SPTB: variants seen among roughly 807,000 people sequenced by gnomAD.
SPTB encodes the protein spectrin beta chain, erythrocytic.
SPTB carries 45 observed loss-of-function variants against 256.2 expected under a neutral mutation model. The ratio of observed to expected loss-of-function variants is 0.18; its 90% CI spans 0.14 to 0.23. The LOEUF is 0.23. Ranked by LOEUF, SPTB falls within the 10% of genes least tolerant of loss-of-function variation. The probability of loss-of-function intolerance (pLI) is 1.00; values close to 1 mark genes in which losing one functional copy is unlikely to be tolerated. For synonymous variants in SPTB, 1,231 were observed against 1,243.1 expected (o/e 0.99, Z 0.21); for missense variants, 2,715 against 3,040.4 (o/e 0.89, Z 2.52).
In SPTB at chr14:64,873,607, G is replaced by GT. The variant is rs1301256309; in HGVS notation, c.-52+6184dup. 9.9e-5 allele frequency among the ~76,000 whole-genome samples: 15 copies of GT among 152,114 alleles called. No individual in the cohort carries two copies. Among genetic ancestry groups the GT allele is most frequent in the Admixed American group, 6.5e-4 (10 of 15,276 alleles). On this transcript the variant is annotated intron_variant, in intron 1 of 35. Coordinates refer to ENST00000644917, the MANE Select transcript of SPTB (RefSeq NM_001355436.2). This position sits in a 1 kb window ranked among gnomAD's most constrained non-coding sequence, Gnocchi z 4.3. ...CCATTCTTGAGGTTCTGTGGCTATG[G>GT]TAAAGGGTAATACCATTAACAAGTG...
intron 1 of SPTB, among the ~76,000 whole-genome samples, chr14:64,865,559 C>A (rs1165568510): frequency 6.6e-6 from 1 of 152,110 alleles, no homozygotes; most frequent in Admixed American, 6.6e-5. Flanking sequence ...GTGAGAGCAG[C>A]TAAACCAAGG....
chr14:64,770,981 T>C lies in SPTB; in HGVS notation c.5702A>G (p.Asp1901Gly). Residue 1901 changes from aspartate to glycine, a missense_variant, in exon 27 of 36, where the codon GAC becomes GGC. This residue lies in a region of SPTB where 2,239 missense variants were observed against 2,384.4 expected (regional missense o/e 0.94). Coordinates refer to ENST00000644917, the MANE Select transcript of SPTB (RefSeq NM_001355436.2). ...GAAGAAGCGGAATTTATCCGCCGTG[T>C]CCACTAGCTGGGTCCGGCGCCCGGC... The part of the protein sequence containing the change: ...ACAGRRTQLV[D>G]TADKFRFFSM... 1.2e-6 allele frequency: 2 copies of C among 1,614,116 alleles called. No individual in the cohort carries two copies. Among genetic ancestry groups the C allele is most frequent in the East Asian group, 2.2e-5 (1 of 44,880 alleles).
rs758453733 is a variant in SPTB at position 64,776,143 on chromosome 14, A to G, written c.4564-740T>C. On this transcript the variant is annotated intron_variant, in intron 22 of 35. Transcript: ENST00000644917. ...TGGTGTGTGGGCTCCTGAGCTCCAT[A>G]TACCTCACTACCTGTTTCTTCCCTC... Among the ~76,000 whole-genome samples the G allele has an allele frequency of 3.3e-5, 5 of 152,104 alleles. No individual in the cohort carries two copies. In the South Asian group the frequency reaches 8.3e-4, roughly 25 times the overall value.
chr14:64,809,262 C>CAAAAAAAA (rs57245539), intron 2 of SPTB, among the ~76,000 whole-genome samples: 1 of 91,062 alleles, frequency 1.1e-5, no homozygotes, highest in Admixed American at 1.2e-4. Context: ...AACTTTGTAT[C>CAAAAAAAA]AAAAAAAAAA....
chr14:64,750,896 AAT>A (rs1324801303), intron 33 of SPTB, among the ~76,000 whole-genome samples: 3 of 146,234 alleles, frequency 2.1e-5, no homozygotes, highest in East Asian at 3.9e-4. Context: ...ATTTATATGA[AAT>A]ATATAAATAT....
Position 64,787,044 on chromosome 14 carries a change from G to A in SPTB, c.2921C>T (p.Thr974Ile). ...GTCTTTTGTGGACTCCACTACCTTT[G>A]TCTTGTCCGTGATCCACTTGCTGGT... ...EETSKWITDKTKVVESTKDLG... is the reference protein window; with the variant it reads ...EETSKWITDKIKVVESTKDLG... The change falls in exon 16 of 36, where the codon ACA becomes ATA. Residue 974 changes from threonine to isoleucine, a missense_variant. By Grantham distance (89) the Thr-to-Ile change is moderately conservative (BLOSUM62 -1). Coordinates refer to ENST00000644917, the MANE Select transcript of SPTB (RefSeq NM_001355436.2). 6.2e-6 allele frequency: 10 copies of A among 1,613,958 alleles called. No individual in the cohort carries two copies. Among genetic ancestry groups the A allele is most frequent in the Non-Finnish European group, 8.5e-6 (10 of 1,180,028 alleles).
Position 64,866,295 on chromosome 14 carries a change from G to A in SPTB, c.-52+13497C>T, listed in dbSNP as rs1193624297. ...CTCTCCATCGAGTTTGCTGACTGTT[G>A]TCTGCTTATCGCTGGCCTCAGGACA... On this transcript the variant is annotated intron_variant, in intron 1 of 35. Transcript: ENST00000644917. This position sits in a 1 kb window ranked among gnomAD's most constrained non-coding sequence, Gnocchi z 4.6. 7.2e-5 allele frequency among the ~76,000 whole-genome samples: 11 copies of A among 152,122 alleles called. No homozygotes were observed. Among genetic ancestry groups the A allele is most frequent in the African/African-American group, 9.7e-5 (4 of 41,420 alleles).
intron 1 of SPTB, among the ~76,000 whole-genome samples, chr14:64,859,248 C>T (rs953622180): frequency 4.6e-5 from 7 of 151,822 alleles, no homozygotes; most frequent in Admixed American, 3.3e-4. Flanking sequence ...AGCGAGACTC[C>T]GTCTCAGAAG....
chr14:64,750,955 ATT>A (rs34784286), intron 33 of SPTB, among the ~76,000 whole-genome samples: 2 of 134,272 alleles, frequency 1.5e-5, no homozygotes, highest in African/African-American at 5.8e-5. Flanking sequence ...TATAATACAT[ATT>A]TTATACATCA....
At chr14:64,808,202 CGGGGTT>C (rs2083021130) in intron 2 of SPTB, among the ~76,000 whole-genome samples, 1 of 152,132 alleles carries the variant, frequency 6.6e-6, no homozygotes, top group Non-Finnish European at 1.5e-5. Flanking sequence ...TTAGTACAGA[CGGGGTT>C]TCACCATGTT....
At chr14:64,794,315 TG>T in intron 13 of SPTB, 151 bp downstream of exon 13, 2 of 1,063,228 alleles carry the variant, frequency 1.9e-6, no homozygotes, top group Non-Finnish European at 2.8e-6. Context: ...AGAATTTGGC[TG>T]GTCCCTCAAG....
chr14:64,761,889 C>A (rs1181436010), intron 32 of SPTB, among the ~76,000 whole-genome samples: 1 of 152,154 alleles, frequency 6.6e-6, no homozygotes, highest in Non-Finnish European at 1.5e-5. Flanking sequence ...CCACTTCAAA[C>A]CCATTTCTGA....
Position 64,758,684 on chromosome 14 carries a change from A to G in SPTB, c.6346-4891T>C, listed in dbSNP as rs2082050760. Among the ~76,000 whole-genome samples, 1 of 152,250 alleles carries G rather than the reference A, an allele frequency of 6.6e-6. No individual in the cohort carries two copies. Among genetic ancestry groups the G allele is most frequent in the Non-Finnish European group, 1.5e-5 (1 of 68,042 alleles). On this transcript the variant is annotated intron_variant, in intron 32 of 35. Coordinates refer to ENST00000644917, the MANE Select transcript of SPTB (RefSeq NM_001355436.2). The surrounding 1 kb of genome is among the most constrained non-coding windows in gnomAD (Gnocchi z 4.6). ...TCTGAAGCAGAACCATTTTTTAAATAGTTACTCTTGGGGTTCCCATCTGCC... is the reference window on the plus strand; with the variant it reads ...TCTGAAGCAGAACCATTTTTTAAATGGTTACTCTTGGGGTTCCCATCTGCC...
chr14:64,786,889 G>C lies in SPTB; in HGVS notation c.3076C>G (p.Pro1026Ala), dbSNP rs778936613. The C allele has an allele frequency of 2.5e-6, 4 of 1,612,832 alleles. No individual in the cohort carries two copies. The Admixed American group carries it at 5.0e-5, about 20-fold the overall frequency. ...TGACCAATATCCTCCTTCTGCTCAG[G>C]GTGCGAGTCCATCAGCTGCTGGGAC... ...RESQQLMDSH[P>A]EQKEDIGQRQ... The change falls in exon 16 of 36, where the codon CCT becomes GCT. Residue 1026 changes from proline to alanine, a missense_variant. By Grantham distance (27) the Pro-to-Ala change is conservative. Transcript: ENST00000644917. This position sits in a 1 kb window ranked among gnomAD's most constrained non-coding sequence, Gnocchi z 5.6.
chr14:64,841,757 T>TATATA lies in SPTB; in HGVS notation c.-51-18613_-51-18612insTATAT, dbSNP rs200217417. ...TGACATCCCATATATATATATATAT[T>TATATA]TTTTAAGGGTCTTTCTTTAACACAG... On this transcript the variant is annotated intron_variant, in intron 1 of 35. Coordinates refer to ENST00000644917, the MANE Select transcript of SPTB (RefSeq NM_001355436.2). This position sits in a 1 kb window ranked among gnomAD's most constrained non-coding sequence, Gnocchi z 4.6. 0.063 allele frequency among the ~76,000 whole-genome samples: 9,526 copies of TATATA among 151,196 alleles called. 1,055 individuals are homozygous for TATATA. The highest frequency in any genetic ancestry group is 0.22 in the African/African-American group (8,956 of 40,802).
rs773544566 is a variant in SPTB at position 64,749,992 on chromosome 14, G to A, written c.6765C>T (p.Val2255=). 23 of 1,614,106 alleles carry A rather than the reference G, an allele frequency of 1.4e-5. No individual in the cohort carries two copies. Among genetic ancestry groups the A allele is most frequent in the Non-Finnish European group, 1.9e-5 (23 of 1,180,048 alleles). The change falls in exon 34 of 36, where the codon GTC becomes GTT. Residue 2255 remains valine, a synonymous_variant. Coordinates refer to ENST00000644917, the MANE Select transcript of SPTB (RefSeq NM_001355436.2). This position sits in a 1 kb window ranked among gnomAD's most constrained non-coding sequence, Gnocchi z 4.7. ...CAGGAAGGCCTCACCTCAGCTTAAA[G>A]ACGTGCTTCTTCTTCTTGTAGTTGG... ...IAANYKKKKH[V]FKLRLSNGSE...
intron 32 of SPTB, among the ~76,000 whole-genome samples, chr14:64,761,696 C>T (rs2082099359): frequency 6.6e-6 from 1 of 152,176 alleles, no homozygotes; most frequent in African/African-American, 2.4e-5. Flanking sequence ...ATGAGGCTTC[C>T]TCGGGAGCTG....
chr14:64,865,517 TCATTTTCTGAG>T (rs1882122998), intron 1 of SPTB, among the ~76,000 whole-genome samples: 1 of 152,050 alleles, frequency 6.6e-6, no homozygotes. Flanking sequence ...TTCACTGCAG[TCATTTTCTGAG>T]CGTTTTCTGG....
chr14:64,784,667 G>A (rs1319372310), intron 18 of SPTB, among the ~76,000 whole-genome samples: 1 of 152,214 alleles, frequency 6.6e-6, no homozygotes, highest in East Asian at 1.9e-4. Flanking sequence ...CATATTTTGA[G>A]GACCTAGGAC....
Sources: allele counts gnomAD v4.1 joint callset (sites outside exome capture counted in the v4.1 genomes callset), GRCh38; gene constraint gnomAD v4.1.1; regional missense constraint gnomAD v4.1.1; non-coding constraint Gnocchi (gnomAD v3.1); transcripts MANE v1.5; gene names NCBI Gene and HGNC (gene_info 2026-07-23, HGNC 2026-07-21).